The following MEI1 variants were observed in gnomAD, a reference collection of about 807,000 sequenced individuals.
MEI1 encodes meiotic double-stranded break formation protein 1.
MEI1 carries 103 observed loss-of-function variants against 146.2 expected under a neutral mutation model. The ratio of observed to expected loss-of-function variants is 0.70; its 90% CI spans 0.60 to 0.83. MEI1 has a LOEUF of 0.83. MEI1 is among the 40% of genes least tolerant of loss of function. The pLI, the probability that MEI1 is intolerant of heterozygous loss-of-function variation, is 0.00. For synonymous variants in MEI1, 652 were observed against 628.2 expected, an observed-to-expected ratio of 1.04 and a Z score of -0.57; for missense variants, 1,529 against 1,533.0, an observed-to-expected ratio of 1.00 and a Z score of 0.04.
intron 15 of MEI1, among the ~76,000 whole-genome samples, chr22:41,750,220 A>T (rs912532117): frequency 1.3e-5 from 2 of 152,226 alleles, no homozygotes; most frequent in African/African-American, 4.8e-5. Context: ...AGAAGCCAAG[A>T]CAAAATTGAG....
chr22:41,783,098 C>G (rs899402669), intron 24 of MEI1, among the ~76,000 whole-genome samples: 1 of 152,320 alleles, frequency 6.6e-6, no homozygotes, highest in East Asian at 1.9e-4. Flanking sequence ...TCCCTGTCCT[C>G]TGGCCAGGCA....
intron 19 of MEI1, among the ~76,000 whole-genome samples, chr22:41,764,482 A>G (rs1442783384): frequency 1.3e-5 from 2 of 152,106 alleles, no homozygotes; most frequent in Non-Finnish European, 2.9e-5. Context: ...CTCAAATTAA[A>G]CCAGGTCTAC....
chr22:41,717,714 T>C (rs986929977), intron 5 of MEI1, among the ~76,000 whole-genome samples: 9 of 151,656 alleles, frequency 5.9e-5, no homozygotes, highest in Admixed American at 2.6e-4. Flanking sequence ...CTCGTGGGTT[T>C]CAGCGATTCT....
chr22:41,777,040 C>G (rs1458911132), intron 21 of MEI1, among the ~76,000 whole-genome samples: 3 of 152,026 alleles, frequency 2.0e-5, no homozygotes, highest in Admixed American at 6.6e-5. Context: ...TGGTCTCAAA[C>G]CCCTGAGCTC....
In MEI1 at chr22:41,778,735, G is replaced by A. The variant is rs2075600085; in HGVS notation, c.2738G>A (p.Ser913Asn). 6.2e-7 allele frequency: 1 copy of A among 1,607,870 alleles called. No individual in the cohort carries two copies. The highest frequency in any genetic ancestry group is 1.3e-5 in the African/African-American group (1 of 74,764). The change falls in exon 22 of 31, where the codon AGC (serine) becomes AAC (asparagine). Residue 913 changes from serine to asparagine, a missense_variant. By Grantham distance (46) the Ser-to-Asn change is conservative. This residue lies in a region of MEI1 where 1,212 missense variants were observed against 1,178.9 expected (regional missense o/e 1.03). Transcript: ENST00000401548. The part of the protein sequence containing the change: ...GASGNLPLLL[S>N]LLSLMQLRNV... ...TCGGGGAACCTACCATTGCTGCTGA[G>A]CCTCCTCTCCCTGATGCAGCTCAGG... is the stretch of plus-strand genomic sequence containing the variant.
intron 19 of MEI1, 61 bp from the exon 20 acceptor site, chr22:41,770,625 G>T (rs2075123779): frequency 2.0e-6 from 3 of 1,501,382 alleles, no homozygotes; most frequent in Middle Eastern, 1.8e-4. Flanking sequence ...TCTTGGCCAT[G>T]TTGGGGTCTC....
In MEI1 at chr22:41,723,988, T is replaced by C; in HGVS notation, c.779T>C (p.Ile260Thr). Reference sequence around the variant, plus strand: ...AAGTATGATCTCTTTGTGTCCATGATCATGAACCAGGATGGACTGGGAGAA... The same window carrying C: ...AAGTATGATCTCTTTGTGTCCATGACCATGAACCAGGATGGACTGGGAGAA... ...LLKYDLFVSM[I>T]MNQDGLGESA... is the part of the protein sequence containing the mutation. The change falls in exon 7 of 31, where the codon ATC becomes ACC. Residue 260 changes from isoleucine (I) to threonine (T), a missense_variant. Transcript: ENST00000401548. 6.2e-7 allele frequency: 1 copy of C among 1,612,314 alleles called. No homozygotes were observed. The highest frequency in any genetic ancestry group is 8.5e-7 in the Non-Finnish European group (1 of 1,179,172).
In MEI1 at chr22:41,767,663, G is replaced by C. The variant is rs549807377; in HGVS notation, c.2269-3023G>C. 13 of 451,762 alleles carry C rather than the reference G, an allele frequency of 2.9e-5. No homozygotes were observed. The East Asian group carries it at 9.1e-4, about 32-fold the overall frequency. The allele number at this position is 451,762 out of a possible 1,614,324, so 28.0% of individuals were successfully genotyped here. A position where few individuals can be genotyped will look rare whatever the true frequency, so the allele number is the denominator to read the frequency against. ...TTTTTATTTGCTTCTCAACATTTCA[G>C]CTACTCAACCAATGTGGATTGACCA... is the stretch of plus-strand genomic sequence containing the variant. On this transcript the variant is annotated intron_variant, in intron 19 of 30. Coordinates refer to ENST00000401548, the MANE Select transcript of MEI1 (RefSeq NM_152513.4).
intron 20 of MEI1, among the ~76,000 whole-genome samples, chr22:41,775,677 C>T (rs1210348278): frequency 6.6e-6 from 1 of 151,230 alleles, no homozygotes; most frequent in East Asian, 1.9e-4. Flanking sequence ...CACTGCAAGC[C>T]CCGCCTCCCG....
chr22:41,724,137 C>A, intron 7 of MEI1, 64 bp downstream of exon 7: 3 of 1,577,098 alleles, frequency 1.9e-6, no homozygotes, highest in Non-Finnish European at 2.6e-6. Context: ...GCTTCTTGGG[C>A]CTTGTCTTCA....
At chr22:41,760,472 G>A (rs1281774354) in intron 18 of MEI1, among the ~76,000 whole-genome samples, 1 of 152,180 alleles carries the variant, frequency 6.6e-6, no homozygotes, top group Non-Finnish European at 1.5e-5. Flanking sequence ...TCGTGCCACT[G>A]CACTCCAGCC....
At chr22:41,729,493 AC>A (rs368784527) in intron 7 of MEI1, among the ~76,000 whole-genome samples, 171 bp from the exon 8 acceptor site, 1 of 151,890 alleles carries the variant, frequency 6.6e-6, no homozygotes, top group African/African-American at 2.4e-5. Context: ...GTTCACGGAG[AC>A]CCCTTCCCAT....
intron 18 of MEI1, among the ~76,000 whole-genome samples, chr22:41,760,905 C>T (rs1470207491): frequency 6.6e-6 from 1 of 152,122 alleles, no homozygotes; most frequent in African/African-American, 2.4e-5. Context: ...CCAGGCAGGC[C>T]CAGGCCTGGT....
intron 24 of MEI1, among the ~76,000 whole-genome samples, chr22:41,783,532 T>A (rs926700145): frequency 6.6e-6 from 1 of 152,156 alleles, no homozygotes; most frequent in Non-Finnish European, 1.5e-5. Context: ...CCTCAGGTGA[T>A]CCACCCACCT....
intron 3 of MEI1, among the ~76,000 whole-genome samples, chr22:41,708,918 C>T (rs2069314088): frequency 6.6e-6 from 1 of 152,130 alleles, no homozygotes; most frequent in Non-Finnish European, 1.5e-5. Flanking sequence ...ATTTGTTTTT[C>T]CATACCACAA....
intron 17 of MEI1, among the ~76,000 whole-genome samples, chr22:41,754,353 C>G (rs2073957983): frequency 6.6e-6 from 1 of 152,162 alleles, no homozygotes; most frequent in African/African-American, 2.4e-5. Flanking sequence ...CCTCAGGAGT[C>G]CAGTGTTCAC....
chr22:41,736,446 G>A lies in MEI1; in HGVS notation c.1331+3843G>A, dbSNP rs576201405. On this transcript the variant is annotated intron_variant, in intron 11 of 30. Transcript: ENST00000401548. ...GTTTTTGTATTTTTAGTAGAGACAG[G>A]GTTTCACCGTGTTAGCCAGGATGGT... is the stretch of plus-strand genomic sequence containing the variant. Among the ~76,000 whole-genome samples the A allele has an allele frequency of 1.5e-4, 23 of 151,910 alleles. No individual in the cohort carries two copies. The Middle Eastern group carries it at 0.014, about 90-fold the overall frequency.
chr22:41,772,553 C>T (rs73428909), intron 20 of MEI1, among the ~76,000 whole-genome samples: 2,609 of 152,260 alleles, frequency 0.017, 73 homozygotes, highest in African/African-American at 0.059. Context: ...AATTCCTGGG[C>T]TCCAGCGATC....
At chr22:41,758,667 T>C in intron 18 of MEI1, 134 bp downstream of exon 18, 1 of 907,670 alleles carries the variant, frequency 1.1e-6, no homozygotes, top group Non-Finnish European at 1.6e-6. Context: ...AAATGGGTTG[T>C]GTCCCTGAGA....
Sources: allele counts gnomAD v4.1 joint callset (sites outside exome capture counted in the v4.1 genomes callset), GRCh38; gene constraint gnomAD v4.1.1; regional missense constraint gnomAD v4.1.1; transcripts MANE v1.5; gene names NCBI Gene and HGNC (gene_info 2026-07-23, HGNC 2026-07-21).